TAX1BP1: variants seen among roughly 807,000 people sequenced by gnomAD.
TAX1BP1 encodes the protein tax1-binding protein 1.
TAX1BP1 carries 62 observed loss-of-function variants against 97.7 expected under a neutral mutation model. The ratio of observed to expected loss-of-function variants is 0.63; its 90% CI spans 0.52 to 0.78. The LOEUF is 0.78. Ranked by LOEUF, TAX1BP1 falls within the 30% of genes least tolerant of loss-of-function variation. The pLI is 0.00. For missense variants in TAX1BP1, 867 were observed against 916.1 expected, an observed-to-expected ratio of 0.95 and a Z score of 0.69; for synonymous variants, 340 against 304.2, an observed-to-expected ratio of 1.12 and a Z score of -1.23.
At chr7:27,797,966 C>T (rs1789998927) in intron 12 of TAX1BP1, among the ~76,000 whole-genome samples, 1 of 151,886 alleles carries the variant, frequency 6.6e-6, no homozygotes, top group Non-Finnish European at 1.5e-5. Flanking sequence ...ACCACAGTGC[C>T]ATCACTCTCC....
chr7:27,753,344 T>C (rs939171543), intron 2 of TAX1BP1, among the ~76,000 whole-genome samples: 3 of 152,220 alleles, frequency 2.0e-5, no homozygotes, highest in Non-Finnish European at 4.4e-5. Context: ...ATATCTTTAT[T>C]ATTAAACCAA....
chr7:27,745,865 C>G (rs566974709), intron 1 of TAX1BP1, among the ~76,000 whole-genome samples: 2 of 151,890 alleles, frequency 1.3e-5, no homozygotes, highest in African/African-American at 2.4e-5. Flanking sequence ...TCTTTTTACA[C>G]ACATCCCTTA....
chr7:27,806,244 C>G (rs545565188), intron 13 of TAX1BP1, among the ~76,000 whole-genome samples: 1 of 152,208 alleles, frequency 6.6e-6, no homozygotes, highest in South Asian at 2.1e-4. Context: ...CGCCACCAAG[C>G]CTGGCTAATT....
chr7:27,811,865 TC>T (rs963003804), intron 13 of TAX1BP1, among the ~76,000 whole-genome samples: 7 of 152,242 alleles, frequency 4.6e-5, no homozygotes, highest in Non-Finnish European at 8.8e-5. Flanking sequence ...GCAGAATTTA[TC>T]CATTCATTAG....
At chr7:27,759,116 T>C (rs1788333380) in intron 3 of TAX1BP1, among the ~76,000 whole-genome samples, 1 of 152,172 alleles carries the variant, frequency 6.6e-6, no homozygotes, top group South Asian at 2.1e-4. Context: ...ATGTCATAGA[T>C]TTCTTTTGGT....
At chr7:27,813,167 T>C (rs959509779) in intron 13 of TAX1BP1, among the ~76,000 whole-genome samples, 3 of 146,920 alleles carry the variant, frequency 2.0e-5, no homozygotes, top group East Asian at 2.0e-4. Context: ...TTTTTTTTTT[T>C]CTTAAAGACA....
intron 2 of TAX1BP1, among the ~76,000 whole-genome samples, chr7:27,750,680 A>G (rs1403685242): frequency 6.6e-6 from 1 of 152,180 alleles, no homozygotes; most frequent in South Asian, 2.1e-4. Context: ...TTGAAAAAGT[A>G]TGTTTCAGGA....
At chr7:27,782,358 G>A (rs1423147175) in intron 5 of TAX1BP1, among the ~76,000 whole-genome samples, 1 of 151,946 alleles carries the variant, frequency 6.6e-6, no homozygotes, top group Non-Finnish European at 1.5e-5. Context: ...TGCTTGAGTA[G>A]CCTCTCAAGT....
chr7:27,825,105 A>T (rs1052314201), intron 15 of TAX1BP1, among the ~76,000 whole-genome samples: 2 of 152,132 alleles, frequency 1.3e-5, no homozygotes, highest in Admixed American at 1.3e-4. Context: ...AGGTTTATTT[A>T]AAAAATCAGT....
At chr7:27,812,241 T>C (rs1458196214) in intron 13 of TAX1BP1, among the ~76,000 whole-genome samples, 1 of 152,238 alleles carries the variant, frequency 6.6e-6, no homozygotes, top group Non-Finnish European at 1.5e-5. Flanking sequence ...TTAATTTCCC[T>C]GATAACTAGT....
chr7:27,758,731 G>A (rs1332586939), intron 3 of TAX1BP1, among the ~76,000 whole-genome samples: 2 of 152,032 alleles, frequency 1.3e-5, no homozygotes, highest in Non-Finnish European at 2.9e-5. Context: ...GCATAATTCC[G>A]CTATATGAGG....
intron 12 of TAX1BP1, among the ~76,000 whole-genome samples, chr7:27,798,298 T>G (rs76842142): frequency 6.6e-6 from 1 of 151,282 alleles, no homozygotes; most frequent in African/African-American, 2.4e-5. Flanking sequence ...TGGACATATG[T>G]TTTTTTTTGT....
At position 27,816,948 on chromosome 7, in the gene TAX1BP1, C is replaced by T; in HGVS notation, c.1995C>T (p.Pro665=). The part of the protein sequence containing the change: ...DEIQRPPVRV[P]SWGLEDNVVC... ...TACAAAGGCCACCTGTCAGAGTCCCCTCTTGGGGACTGGAAGACAATGTTG... is the reference window on the plus strand; with the variant it reads ...TACAAAGGCCACCTGTCAGAGTCCCTTCTTGGGGACTGGAAGACAATGTTG... Residue 665 remains proline, a synonymous_variant, in exon 15 of 17, where the codon CCC becomes CCT. Coordinates refer to ENST00000396319, the MANE Select transcript of TAX1BP1 (RefSeq NM_006024.7). 1.9e-6 allele frequency: 3 copies of T among 1,614,056 alleles called. No homozygotes were observed. The highest frequency in any genetic ancestry group is 2.5e-6 in the Non-Finnish European group (3 of 1,179,974).
intron 5 of TAX1BP1, among the ~76,000 whole-genome samples, chr7:27,774,366 A>G (rs1331379408): frequency 1.3e-5 from 2 of 152,152 alleles, no homozygotes; most frequent in South Asian, 2.1e-4. Context: ...AGGCTTCCTC[A>G]TGGATAAGTC....
At chr7:27,821,275 A>T (rs1333431033) in intron 15 of TAX1BP1, among the ~76,000 whole-genome samples, 1 of 152,204 alleles carries the variant, frequency 6.6e-6, no homozygotes, top group Admixed American at 6.5e-5. Context: ...TAATGAGTTT[A>T]AAGAAATGTG....
At chr7:27,817,563 G>A (rs1429502474) in intron 15 of TAX1BP1, among the ~76,000 whole-genome samples, 1 of 152,136 alleles carries the variant, frequency 6.6e-6, no homozygotes, top group Non-Finnish European at 1.5e-5. Flanking sequence ...TATTTGAGAT[G>A]TCTTTAGTAT....
At chr7:27,783,037 T>C (rs1301860903) in intron 5 of TAX1BP1, among the ~76,000 whole-genome samples, 1 of 152,144 alleles carries the variant, frequency 6.6e-6, no homozygotes, top group African/African-American at 2.4e-5. Flanking sequence ...TAGTGGCTCA[T>C]GGAAACAGTG....
At chr7:27,816,617 C>T in intron 14 of TAX1BP1, 97 bp downstream of exon 14, 1 of 1,085,748 alleles carries the variant, frequency 9.2e-7, no homozygotes. Flanking sequence ...ATAATCAACC[C>T]TAATACAAAC....
intron 2 of TAX1BP1, among the ~76,000 whole-genome samples, chr7:27,753,032 G>T (rs1484525461): frequency 6.6e-6 from 1 of 151,900 alleles, no homozygotes; most frequent in Non-Finnish European, 1.5e-5. Flanking sequence ...GGGCACAGTG[G>T]CTCACGCCTG....
Sources: allele counts gnomAD v4.1 joint callset (sites outside exome capture counted in the v4.1 genomes callset), GRCh38; gene constraint gnomAD v4.1.1; transcripts MANE v1.5; gene names NCBI Gene and HGNC (gene_info 2026-07-23, HGNC 2026-07-21).